The following MASTL variants were observed in gnomAD, a reference collection of about 807,000 sequenced individuals.
MASTL encodes serine/threonine-protein kinase greatwall.
In MASTL, 54 loss-of-function variants were observed where a neutral mutation model predicts 82.5. The ratio of observed to expected loss-of-function variants is 0.65; its 90% confidence interval spans 0.53 to 0.82. The LOEUF is 0.82. Ranked by LOEUF, MASTL falls within the 40% of genes least tolerant of loss-of-function variation. The pLI is 0.00. For missense variants in MASTL, 950 were observed against 1,047.8 expected (o/e 0.91, Z 1.29); for synonymous variants, 323 against 368.9 (o/e 0.88, Z 1.43).
chr10:27,187,215 G>T lies in MASTL; in HGVS notation c.*679G>T, dbSNP rs1231103531. On this transcript the variant is annotated 3_prime_UTR_variant, in exon 12 of 12. Transcript: ENST00000375940. Reference sequence around the variant, plus strand: ...CTCTGGAGGCTGAGGCAGGAGAATCGCTGGAACCCAGGAGGAGGAGGTTGT... The same window carrying T: ...CTCTGGAGGCTGAGGCAGGAGAATCTCTGGAACCCAGGAGGAGGAGGTTGT... 6.6e-6 allele frequency among the ~76,000 whole-genome samples: 1 copy of T among 152,132 alleles called. No individual in the cohort carries two copies. Among genetic ancestry groups the T allele is most frequent in the Non-Finnish European group, 1.5e-5 (1 of 68,028 alleles).
intron 9 of MASTL, among the ~76,000 whole-genome samples, chr10:27,174,548 A>C (rs1313141636): frequency 6.6e-6 from 1 of 152,124 alleles, no homozygotes; most frequent in Admixed American, 6.5e-5. Flanking sequence ...CTAGAGTTCC[A>C]AAATCAGGTG....
upstream of MASTL, chr10:27,155,317 G>A: frequency 9.0e-7 from 1 of 1,110,994 alleles, no homozygotes; most frequent in East Asian, 2.6e-5. Context: ...GCGGCGGGGT[G>A]ACGTCACGGC....
chr10:27,170,616 T>A lies in MASTL; in HGVS notation c.1657T>A (p.Phe553Ile). ...NSKRDYLSSS[F>I]LCSDDDRASK... ...TAAGAGGGACTACTTAAGTTCTAGTTTTCTATGTTCTGATGATGATAGAGC... is the reference window on the plus strand; with the variant it reads ...TAAGAGGGACTACTTAAGTTCTAGTATTCTATGTTCTGATGATGATAGAGC... The change falls in exon 8 of 12, where the codon TTT (phenylalanine) becomes ATT (isoleucine). Residue 553 changes from phenylalanine to isoleucine, a missense_variant. Coordinates refer to ENST00000375940, the MANE Select transcript of MASTL (RefSeq NM_001172303.3). 1 of 1,607,350 alleles carries A rather than the reference T, an allele frequency of 6.2e-7. No homozygotes were observed. The highest frequency in any genetic ancestry group is 8.5e-7 in the Non-Finnish European group (1 of 1,177,542).
chr10:27,155,054 G>A (rs1472910336), upstream of MASTL: 7 of 264,372 alleles, frequency 2.6e-5, no homozygotes, highest in Admixed American at 3.0e-4. Flanking sequence ...GTCGTGTATG[G>A]GAGGAGGACC....
Position 27,159,247 on chromosome 10 carries a change from G to C in MASTL, c.325-372G>C, listed in dbSNP as rs1043663446. Among the ~76,000 whole-genome samples the C allele has an allele frequency of 6.6e-6, 1 of 151,996 alleles. No homozygotes were observed. Among genetic ancestry groups the C allele is most frequent in the African/African-American group, 2.4e-5 (1 of 41,374 alleles). On this transcript the variant is annotated intron_variant, in intron 2 of 11. Transcript: ENST00000375940. This position sits in a 1 kb window ranked among gnomAD's most constrained non-coding sequence, Gnocchi z 4.0. ...CCAAGTAGCTGAGATTACAGGCCCA[G>C]CTAATTTTTTGTATAAATTAGCTGC...
intron 4 of MASTL, among the ~76,000 whole-genome samples, chr10:27,162,887 A>G (rs887327836): frequency 6.6e-6 from 1 of 152,082 alleles, no homozygotes; most frequent in Non-Finnish European, 1.5e-5. Flanking sequence ...AATCTGATCT[A>G]TGCTGATGTA....
intron 9 of MASTL, among the ~76,000 whole-genome samples, chr10:27,180,451 G>T (rs984510545): frequency 6.6e-6 from 1 of 152,136 alleles, no homozygotes; most frequent in African/African-American, 2.4e-5. Flanking sequence ...GAGTGCAGTG[G>T]CGTGATCTCG....
chr10:27,161,020 CT>C, intron 3 of MASTL, 73 bp from the exon 4 acceptor site: 9 of 998,724 alleles, frequency 9.0e-6, no homozygotes, highest in African/African-American at 3.2e-5. Flanking sequence ...CTTTGTAACT[CT>C]TTTTTTCTGG....
rs1298729116 is a variant in MASTL, at chr10:27,159,775, C to A, written c.464+17C>A. 3.1e-6 allele frequency: 5 copies of A among 1,604,168 alleles called. No homozygotes were observed. The highest frequency in any genetic ancestry group is 1.7e-5 in the Admixed American group (1 of 59,968). On this transcript the variant is annotated intron_variant, in intron 3 of 11. Transcript: ENST00000375940. This position sits in a 1 kb window ranked among gnomAD's most constrained non-coding sequence, Gnocchi z 4.0. ...CATCCACAGGTAAAGACTGACTTCTCCAAATTATTACTTAAAAATTCAAGT... is the reference window on the plus strand; with the variant it reads ...CATCCACAGGTAAAGACTGACTTCTACAAATTATTACTTAAAAATTCAAGT...
At chr10:27,177,605 G>A (rs1219989446) in intron 9 of MASTL, among the ~76,000 whole-genome samples, 1 of 152,132 alleles carries the variant, frequency 6.6e-6, no homozygotes, top group Admixed American at 6.5e-5. Context: ...TTTTGTTTCA[G>A]CTTAGTGTGT....
intron 3 of MASTL, among the ~76,000 whole-genome samples, chr10:27,160,859 G>T (rs574131982): frequency 2.0e-5 from 3 of 152,070 alleles, no homozygotes; most frequent in African/African-American, 7.2e-5. Flanking sequence ...TCTAACCAAT[G>T]ATACCAAAGA....
In MASTL at chr10:27,155,419, G is replaced by C; in HGVS notation, c.-8G>C. ...AGTGTCTGCGGGGCCGCTGTATGCT[G>C]TCCAGCGATGGATCCCACCGCGGGA... On this transcript the variant is annotated 5_prime_UTR_variant, in exon 1 of 12. Coordinates refer to ENST00000375940, the MANE Select transcript of MASTL (RefSeq NM_001172303.3). 6.2e-7 allele frequency: 1 copy of C among 1,603,764 alleles called. No individual in the cohort carries two copies. Among genetic ancestry groups the C allele is most frequent in the African/African-American group, 1.3e-5 (1 of 74,836 alleles).
intron 11 of MASTL, among the ~76,000 whole-genome samples, chr10:27,182,785 C>CT (rs35395419): frequency 4.3e-4 from 63 of 146,836 alleles, no homozygotes; most frequent in South Asian, 1.7e-3. Context: ...AATCTTACCT[C>CT]TTTTTTTTTT....
intron 4 of MASTL, among the ~76,000 whole-genome samples, chr10:27,163,950 TTGAG>T (rs2057659169): frequency 6.6e-6 from 1 of 151,632 alleles, no homozygotes; most frequent in Non-Finnish European, 1.5e-5. Context: ...TTTATTTATT[TTGAG>T]AGAGAGTCTT....
In MASTL at chr10:27,170,571, G is replaced by A; in HGVS notation, c.1612G>A (p.Glu538Lys). The A allele has an allele frequency of 6.2e-7, 1 of 1,613,196 alleles. No homozygotes were observed. The highest frequency in any genetic ancestry group is 8.5e-7 in the Non-Finnish European group (1 of 1,179,726). ...IAKNLMCELDEDCEKNSKRDY... is the reference protein window; with the variant it reads ...IAKNLMCELDKDCEKNSKRDY... ...AAAAAACCTTATGTGTGAACTCGAT[G>A]AAGACTGTGAAAAGAATAGTAAGAG... is the stretch of plus-strand genomic sequence containing the variant. The change falls in exon 8 of 12, where the codon GAA becomes AAA. Residue 538 changes from glutamate to lysine, a missense_variant. By Grantham distance (56) the Glu-to-Lys change is moderately conservative. Coordinates refer to ENST00000375940, the MANE Select transcript of MASTL (RefSeq NM_001172303.3).
chr10:27,159,637 G>T lies in MASTL; in HGVS notation c.343G>T (p.Gly115Trp), dbSNP rs766608013. Residue 115 changes from glycine to tryptophan, a missense_variant, in exon 3 of 12, where the codon GGG (glycine) becomes TGG (tryptophan). Physicochemically the swap from Gly to Trp is radical, Grantham distance 184 (BLOSUM62 -2). Coordinates refer to ENST00000375940, the MANE Select transcript of MASTL (RefSeq NM_001172303.3). This position sits in a 1 kb window ranked among gnomAD's most constrained non-coding sequence, Gnocchi z 4.0. The stretch of plus-strand genomic sequence containing the variant: ...TTGAAAGGTAATGGAATATCTTATT[G>T]GGGGAGATGTCAAGTCTCTCCTACA... ...NVYLVMEYLI[G>W]GDVKSLLHIY... 1 of 1,530,070 alleles carries T rather than the reference G, an allele frequency of 6.5e-7. No homozygotes were observed. The highest frequency in any genetic ancestry group is 1.1e-5 in the South Asian group (1 of 89,126). The allele number at this position is 1,530,070 out of a possible 1,614,324, so 94.8% of individuals were successfully genotyped here.
At position 27,167,223 on chromosome 10, in the gene MASTL, C is replaced by G; in HGVS notation, c.933C>G (p.Ser311=). 1 of 1,613,892 alleles carries G rather than the reference C, an allele frequency of 6.2e-7. No homozygotes were observed. The highest frequency in any genetic ancestry group is 8.5e-7 in the Non-Finnish European group (1 of 1,179,796). Residue 311 remains serine (S), a synonymous_variant, in exon 7 of 12, where the codon TCC becomes TCG. Coordinates refer to ENST00000375940, the MANE Select transcript of MASTL (RefSeq NM_001172303.3). Reference sequence around the variant, plus strand: ...GTAGTCAATCCCACACCTTCATATCCAGTGTGGAATCAGAATGCCACAGCA... The same window carrying G: ...GTAGTCAATCCCACACCTTCATATCGAGTGTGGAATCAGAATGCCACAGCA... ...SASSQSHTFI[S]SVESECHSSP... is the part of the protein sequence containing the mutation.
intron 7 of MASTL, among the ~76,000 whole-genome samples, chr10:27,169,608 A>G (rs2057854366): frequency 6.6e-6 from 1 of 152,060 alleles, no homozygotes; most frequent in South Asian, 2.1e-4. Context: ...CCTATTGCAA[A>G]ATAGATATGT....
chr10:27,186,345 A>T (rs1436390464), intron 11 of MASTL, 34 bp from the exon 12 acceptor site: 1 of 1,593,038 alleles, frequency 6.3e-7, no homozygotes, highest in Admixed American at 1.7e-5. Context: ...TTAGGTAATG[A>T]TATCATACTG....
Sources: gnomAD v4.1 joint callset for allele counts (sites outside exome capture counted in the v4.1 genomes callset) on GRCh38, gnomAD v4.1.1 for gene constraint, Gnocchi (gnomAD v3.1) non-coding constraint, MANE v1.5 for transcripts, NCBI Gene and HGNC (gene_info 2026-07-23, HGNC 2026-07-21) for gene names.